FOXP2: variants seen among roughly 807,000 people sequenced by gnomAD.
The protein encoded by FOXP2 is forkhead box protein P2.
In FOXP2, 12 loss-of-function variants were observed where a neutral mutation model predicts 115.8. That is an observed-to-expected ratio of 0.10 (90% CI 0.07 to 0.17). The LOEUF (loss-of-function observed/expected upper bound fraction) is 0.17, where lower values mean the gene tolerates loss of function less well. Ranked by LOEUF, FOXP2 falls within the 10% of genes least tolerant of loss-of-function variation. The probability of loss-of-function intolerance (pLI) is 1.00; values close to 1 mark genes in which losing one functional copy is unlikely to be tolerated. For missense variants in FOXP2, 629 were observed against 843.5 expected, an observed-to-expected ratio of 0.75 and a Z score of 3.15; for synonymous variants, 328 against 297.7, an observed-to-expected ratio of 1.10 and a Z score of -1.05.
At chr7:114,309,830 C>CT (rs563195470) in intron 2 of FOXP2, among the ~76,000 whole-genome samples, 1,722 of 136,076 alleles carry the variant, frequency 0.013, 13 homozygotes, top group African/African-American at 0.029. Flanking sequence ...ACACTCAACT[C>CT]TTTTTTTTTT....
chr7:114,461,824 C>G (rs1795571352), intron 2 of FOXP2, among the ~76,000 whole-genome samples: 1 of 152,052 alleles, frequency 6.6e-6, no homozygotes, highest in Non-Finnish European at 1.5e-5. Flanking sequence ...GCTTCTTAGA[C>G]TATTTTAACT....
intron 3 of FOXP2, among the ~76,000 whole-genome samples, chr7:114,552,769 A>G (rs1800273408): frequency 6.6e-6 from 1 of 152,080 alleles, no homozygotes; most frequent in Non-Finnish European, 1.5e-5. Context: ...TGTGTGTTCA[A>G]TTATATATGT....
At chr7:114,670,183 C>T (rs186139008) in intron 16 of FOXP2, among the ~76,000 whole-genome samples, 312 of 151,978 alleles carry the variant, frequency 2.1e-3, no homozygotes, top group African/African-American at 6.5e-3. Flanking sequence ...ATTATTTTCT[C>T]CTGTTAGTAA....
chr7:114,471,262 T>G (rs1796033522), intron 2 of FOXP2, among the ~76,000 whole-genome samples: 1 of 152,232 alleles, frequency 6.6e-6, no homozygotes, highest in African/African-American at 2.4e-5. Flanking sequence ...AAGATTGACT[T>G]AGTTGTGGAC....
chr7:114,644,654 A>G (rs549337617), intron 7 of FOXP2, 31 bp from the exon 8 acceptor site: 1 of 1,575,704 alleles, frequency 6.3e-7, no homozygotes, highest in Non-Finnish European at 8.7e-7. Context: ...GCTTTTTGAG[A>G]TGAATCTGAC....
At chr7:114,607,942 G>A (rs991132636) in intron 3 of FOXP2, among the ~76,000 whole-genome samples, 1 of 152,142 alleles carries the variant, frequency 6.6e-6, no homozygotes, top group Admixed American at 6.5e-5. Flanking sequence ...TACAGGTGGG[G>A]GAAGGAGGTT....
intron 3 of FOXP2, among the ~76,000 whole-genome samples, chr7:114,567,747 G>A (rs1288874531): frequency 3.3e-5 from 5 of 151,930 alleles, no homozygotes; most frequent in Admixed American, 6.6e-5. Context: ...ACAAACCTGC[G>A]GCTTCATGGT....
chr7:114,212,532 T>C (rs555913655), intron 1 of FOXP2, among the ~76,000 whole-genome samples: 1 of 151,930 alleles, frequency 6.6e-6, no homozygotes, highest in African/African-American at 2.4e-5. Context: ...TATTTTGACC[T>C]GAAGGCCAAT....
At chr7:114,197,883 T>TA (rs1046230878) in intron 1 of FOXP2, among the ~76,000 whole-genome samples, 1 of 151,262 alleles carries the variant, frequency 6.6e-6, no homozygotes, top group Non-Finnish European at 1.5e-5. Context: ...TTTTTTTTTT[T>TA]AGACAGGGTC....
chr7:114,108,498 G>A lies in FOXP2; in HGVS notation c.-247+20660G>A, dbSNP rs545313785. Among the ~76,000 whole-genome samples the A allele has an allele frequency of 7.2e-5, 11 of 151,830 alleles. No homozygotes were observed. In the East Asian group the frequency reaches 1.9e-3, roughly 27 times the overall value. On this transcript the variant is annotated intron_variant, in intron 1 of 19. Transcript: ENST00000635638. The stretch of plus-strand genomic sequence containing the variant: ...ACAATTTTTGTATTCAAATCTAATA[G>A]ACTGATTTTTAAAACTGCCATTAGA...
chr7:114,175,288 G>A (rs898719459), intron 1 of FOXP2, among the ~76,000 whole-genome samples: 2 of 152,010 alleles, frequency 1.3e-5, no homozygotes, highest in Non-Finnish European at 2.9e-5. Flanking sequence ...GTGTTATCTG[G>A]GACCAGGGAC....
upstream of FOXP2, among the ~76,000 whole-genome samples, chr7:114,410,077 A>G (rs1793127369): frequency 6.6e-6 from 1 of 152,154 alleles, no homozygotes. Flanking sequence ...TTTGGGGGGC[A>G]GTTCCAATAC....
chr7:114,682,948 T>C (rs1808172573), intron 16 of FOXP2, among the ~76,000 whole-genome samples: 1 of 152,210 alleles, frequency 6.6e-6, no homozygotes, highest in Non-Finnish European at 1.5e-5. Context: ...AAACTTCTCT[T>C]GCTACTTTTT....
chr7:114,457,673 C>T (rs1169659575), intron 2 of FOXP2, among the ~76,000 whole-genome samples: 1 of 152,088 alleles, frequency 6.6e-6, no homozygotes, highest in Non-Finnish European at 1.5e-5. Flanking sequence ...CCAAGGCGGG[C>T]AGATCACGAG....
At chr7:114,371,494 G>T (rs542354728) in intron 2 of FOXP2, among the ~76,000 whole-genome samples, 3 of 151,994 alleles carry the variant, frequency 2.0e-5, no homozygotes, top group South Asian at 4.2e-4. Context: ...CTTTTAAAAA[G>T]ATAAATATAT....
chr7:114,402,792 A>G (rs1254279995), intron 2 of FOXP2, among the ~76,000 whole-genome samples: 1 of 151,718 alleles, frequency 6.6e-6, no homozygotes, highest in African/African-American at 2.4e-5. Flanking sequence ...ACACCCGGAT[A>G]TTGATTTTTG....
At chr7:114,364,422 G>A (rs7785799) in intron 2 of FOXP2, among the ~76,000 whole-genome samples, 70,635 of 151,896 alleles carry the variant, frequency 0.47, 16,943 homozygotes, top group African/African-American at 0.5. Context: ...CTATGTAGAT[G>A]GATTGGTGCA....
Position 114,563,864 on chromosome 7 carries a change from T to C in FOXP2, c.258+29158T>C, listed in dbSNP as rs539084068. On this transcript the variant is annotated intron_variant, in intron 3 of 16. Transcript: ENST00000350908. ...GTGGCATCACAGTCTGCTTCCAACG[T>C]CCCTTATCCTTTACTCTCTCACTCA... Among the ~76,000 whole-genome samples, 6 of 151,280 alleles carry C rather than the reference T, an allele frequency of 4.0e-5. No individual in the cohort carries two copies. In the East Asian group the frequency reaches 1.2e-3, roughly 29 times the overall value.
intron 3 of FOXP2, among the ~76,000 whole-genome samples, chr7:114,542,434 C>T (rs1021634245): frequency 6.6e-6 from 1 of 152,088 alleles, no homozygotes; most frequent in African/African-American, 2.4e-5. Flanking sequence ...AATAGGAAAG[C>T]ACTTCTCCAC....
Sources: allele counts gnomAD v4.1 joint callset (sites outside exome capture counted in the v4.1 genomes callset), GRCh38; gene constraint gnomAD v4.1.1; transcripts MANE v1.5; gene names NCBI Gene and HGNC (gene_info 2026-07-23, HGNC 2026-07-21).